OPHN1: variants seen among roughly 807,000 people sequenced by gnomAD.
OPHN1 encodes the protein oligophrenin-1.
OPHN1 carries 11 observed loss-of-function variants against 60.7 expected under a neutral mutation model. That is an observed-to-expected ratio of 0.18 (90% CI 0.11 to 0.30). The LOEUF (loss-of-function observed/expected upper bound fraction) is 0.30, where lower values mean the gene tolerates loss of function less well. Ranked by LOEUF, OPHN1 falls within the 10% of genes least tolerant of loss-of-function variation. The pLI is 1.00. For synonymous variants in OPHN1, 226 were observed against 222.6 expected, an observed-to-expected ratio of 1.02 and a Z score of -0.14; for missense variants, 449 against 611.0, an observed-to-expected ratio of 0.73 and a Z score of 2.80.
At chrX:68,230,282 G>C (rs1441261344) in intron 6 of OPHN1, among the ~76,000 whole-genome samples, 1 of 111,661 alleles carries the variant, frequency 9.0e-6, no homozygotes, top group East Asian at 2.8e-4. Flanking sequence ...TGGAGAGGAT[G>C]TGGAGAAATA....
chrX:68,200,819 T>C (rs2077532325), intron 11 of OPHN1, among the ~76,000 whole-genome samples: 1 of 111,914 alleles, frequency 8.9e-6, no homozygotes, highest in Non-Finnish European at 1.9e-5. Context: ...CTGATCATTT[T>C]GCAAAATTCT....
intron 2 of OPHN1, among the ~76,000 whole-genome samples, chrX:68,310,566 A>G (rs1380532074): frequency 1.8e-5 from 2 of 111,020 alleles, no homozygotes; most frequent in Non-Finnish European, 3.8e-5. Context: ...TATGAGAGCC[A>G]GGCAGCAGTC....
rs1426630994 is a variant in OPHN1, at chrX:68,433,452, C to G, written c.-289G>C. The G allele has an allele frequency of 3.6e-6, 1 of 275,906 alleles. No individual in the cohort carries two copies. The highest frequency in any genetic ancestry group is 6.4e-6 in the Non-Finnish European group (1 of 156,597). 22.7% of individuals were successfully genotyped at this position (275,906 alleles called of 1,213,427 possible). A position where few individuals can be genotyped will look rare whatever the true frequency, so the allele number is the denominator to read the frequency against. ...GGTTAGAGCTGGAGCTGGGAACAGCCTCTCTACAGGCTCCTCGCTCCGGAG... is the reference window on the plus strand; with the variant it reads ...GGTTAGAGCTGGAGCTGGGAACAGCGTCTCTACAGGCTCCTCGCTCCGGAG... On this transcript the variant is annotated 5_prime_UTR_variant, in exon 1 of 25. Coordinates refer to ENST00000355520, the MANE Select transcript of OPHN1 (RefSeq NM_002547.3).
At chrX:68,106,745 T>C (rs1000082292) in intron 18 of OPHN1, among the ~76,000 whole-genome samples, 3 of 111,728 alleles carry the variant, frequency 2.7e-5, no homozygotes, top group South Asian at 3.8e-4. Context: ...GGAAACACAG[T>C]ACAAAGGCAT....
intron 9 of OPHN1, among the ~76,000 whole-genome samples, chrX:68,208,036 C>T (rs900098502): frequency 8.3e-5 from 9 of 108,861 alleles, no homozygotes; most frequent in Admixed American, 7.0e-4. Context: ...TCCTTTCTTT[C>T]TTTCCTTTTT....
At chrX:68,145,070 T>A (rs919425424) in intron 15 of OPHN1, among the ~76,000 whole-genome samples, 1 of 111,405 alleles carries the variant, frequency 9.0e-6, no homozygotes, top group Non-Finnish European at 1.9e-5. Flanking sequence ...GATTATGAAA[T>A]AATTAGATCT....
chrX:68,119,101 C>T (rs1426426423), intron 16 of OPHN1, 147 bp downstream of exon 16: 1 of 470,336 alleles, frequency 2.1e-6, no homozygotes, highest in Admixed American at 3.3e-5. Flanking sequence ...AGTCTTTGCA[C>T]ATTCTTGGCC....
intron 15 of OPHN1, among the ~76,000 whole-genome samples, chrX:68,121,130 G>A (rs59879902): frequency 0.062 from 6,936 of 111,958 alleles, 518 homozygotes; most frequent in African/African-American, 0.22. Flanking sequence ...AAATGCTAAC[G>A]TAGACAAATG....
At chrX:68,352,031 C>T (rs1031172166) in intron 2 of OPHN1, among the ~76,000 whole-genome samples, 6 of 109,087 alleles carry the variant, frequency 5.5e-5, no homozygotes, top group Non-Finnish European at 9.5e-5. Context: ...TGCCCGCCAC[C>T]GCGCCCGGCT....
At chrX:68,224,241 T>C (rs1483666359) in intron 6 of OPHN1, among the ~76,000 whole-genome samples, 6 of 112,136 alleles carry the variant, frequency 5.4e-5, no homozygotes, top group Non-Finnish European at 1.1e-4. Flanking sequence ...ATAGAAATCT[T>C]ATGAAATATA....
chrX:68,100,326 G>A (rs1011579659), intron 18 of OPHN1, among the ~76,000 whole-genome samples: 1 of 111,100 alleles, frequency 9.0e-6, no homozygotes, highest in African/African-American at 3.3e-5. Flanking sequence ...AACTAAAAAG[G>A]AAGCAGAAAT....
intron 5 of OPHN1, among the ~76,000 whole-genome samples, chrX:68,260,298 G>A (rs1274136890): frequency 4.5e-5 from 5 of 110,172 alleles, no homozygotes; most frequent in Non-Finnish European, 3.8e-5. Context: ...ACTCAACCTT[G>A]TATTTCTCAG....
chrX:68,426,552 T>TTACATATATATATATATATA (rs2078857368), intron 2 of OPHN1, among the ~76,000 whole-genome samples: 2 of 16,184 alleles, frequency 1.2e-4, no homozygotes, highest in Non-Finnish European at 9.8e-4. Context: ...GACATCTGTT[T>TTACATATATATATATATATA]TATATATATA....
At chrX:68,078,012 A>G (rs986459231) in intron 19 of OPHN1, among the ~76,000 whole-genome samples, 4 of 111,779 alleles carry the variant, frequency 3.6e-5, no homozygotes, top group Non-Finnish European at 7.5e-5. Flanking sequence ...GATCATGTCT[A>G]TGAGTATAGT....
chrX:68,221,904 C>A (rs1462051523), intron 6 of OPHN1, among the ~76,000 whole-genome samples: 1 of 94,964 alleles, frequency 1.1e-5, no homozygotes, highest in Non-Finnish European at 2.1e-5. Context: ...AAAGCAATGG[C>A]AACAAAAGAC....
chrX:68,086,856 G>A (rs1401218409), intron 19 of OPHN1, among the ~76,000 whole-genome samples: 1 of 111,811 alleles, frequency 8.9e-6, no homozygotes, highest in Non-Finnish European at 1.9e-5. Flanking sequence ...GAAAGAGGAT[G>A]TGAGGCCAAA....
chrX:68,324,539 G>A (rs2078250146), intron 2 of OPHN1, among the ~76,000 whole-genome samples: 1 of 106,519 alleles, frequency 9.4e-6, no homozygotes, highest in Admixed American at 1.0e-4. Context: ...TTGAGCCTGG[G>A]AGTTCAAGGC....
chrX:68,142,195 A>T (rs2077246396), intron 15 of OPHN1, among the ~76,000 whole-genome samples: 1 of 112,532 alleles, frequency 8.9e-6, no homozygotes, highest in Non-Finnish European at 1.9e-5. Context: ...GAATTAACAA[A>T]GGACAAAAGC....
At chrX:68,259,395 G>A (rs1435965180) in intron 5 of OPHN1, among the ~76,000 whole-genome samples, 1 of 111,010 alleles carries the variant, frequency 9.0e-6, no homozygotes, top group Non-Finnish European at 1.9e-5. Context: ...AGGCTATAGT[G>A]AGCTGTGATT....
Sources: allele counts gnomAD v4.1 joint callset (sites outside exome capture counted in the v4.1 genomes callset), GRCh38; gene constraint gnomAD v4.1.1; transcripts MANE v1.5; gene names NCBI Gene and HGNC (gene_info 2026-07-23, HGNC 2026-07-21).